DNAH11: variants seen among roughly 807,000 people sequenced by gnomAD.
DNAH11 encodes dynein axonemal heavy chain 11.
Under a neutral mutation model 526.0 loss-of-function variants are expected in DNAH11, and 442 were observed. That is an observed-to-expected ratio of 0.84 (90% CI 0.78 to 0.91). The LOEUF is 0.91. Ranked by LOEUF, DNAH11 falls within the 40% of genes least tolerant of loss-of-function variation. DNAH11 has a pLI of 0.00. For missense variants in DNAH11, 6,989 were observed against 5,448.7 expected, an observed-to-expected ratio of 1.28 and a Z score of -8.90; for synonymous variants, 2,461 against 1,935.9, an observed-to-expected ratio of 1.27 and a Z score of -7.12.
Position 21,702,702 on chromosome 7 carries a change from G to T in DNAH11, c.6181-8G>T. On this transcript the variant is annotated splice_polypyrimidine_tract_variant and splice_region_variant and intron_variant, in intron 36 of 81. Coordinates refer to ENST00000409508, the MANE Select transcript of DNAH11 (RefSeq NM_001277115.2). ...ATTTTTGAGAAAATAAACCTGTTTT[G>T]ATTTTAGGATCATTACGACTGGGGA... is the stretch of plus-strand genomic sequence containing the variant. 1 of 1,612,150 alleles carries T rather than the reference G, an allele frequency of 6.2e-7. No individual in the cohort carries two copies. Among genetic ancestry groups the T allele is most frequent in the South Asian group, 1.1e-5 (1 of 90,808 alleles).
chr7:21,822,779 CTT>C (rs151244324), intron 65 of DNAH11, among the ~76,000 whole-genome samples: 1,875 of 152,026 alleles, frequency 0.012, 41 homozygotes, highest in African/African-American at 0.043. Context: ...TATTTCTTGT[CTT>C]TTTGATAATA....
chr7:21,734,949 A>G (rs1053371057), intron 45 of DNAH11, among the ~76,000 whole-genome samples: 2 of 152,118 alleles, frequency 1.3e-5, no homozygotes, highest in African/African-American at 4.8e-5. Context: ...AGGCGGGTGG[A>G]TCACAAGGTC....
intron 81 of DNAH11, 25 bp from the exon 82 acceptor site, chr7:21,900,982 T>A: frequency 6.5e-7 from 1 of 1,548,094 alleles, no homozygotes; most frequent in Non-Finnish European, 8.7e-7. Flanking sequence ...GCCACACAAT[T>A]GCAACCGCTG....
At chr7:21,557,087 C>T (rs963159385) in intron 2 of DNAH11, among the ~76,000 whole-genome samples, 6 of 151,586 alleles carry the variant, frequency 4.0e-5, no homozygotes, top group African/African-American at 1.5e-4. Flanking sequence ...TGAGAACATA[C>T]AGTATTTGGT....
At chr7:21,692,658 T>G (rs1783682683) in intron 35 of DNAH11, among the ~76,000 whole-genome samples, 1 of 152,204 alleles carries the variant, frequency 6.6e-6, no homozygotes, top group Admixed American at 6.5e-5. Context: ...TACATGAACA[T>G]ATATTTTTAT....
At chr7:21,625,533 C>G (rs74720466) in intron 25 of DNAH11, among the ~76,000 whole-genome samples, 1 of 151,872 alleles carries the variant, frequency 6.6e-6, no homozygotes, top group African/African-American at 2.4e-5. Flanking sequence ...TCATTTTTTC[C>G]TACTATTGAT....
At chr7:21,846,815 G>A (rs1312460746) in intron 66 of DNAH11, among the ~76,000 whole-genome samples, 2 of 152,034 alleles carry the variant, frequency 1.3e-5, no homozygotes, top group East Asian at 1.9e-4. Context: ...TTTTCTTCCA[G>A]TGAAATCATC....
intron 41 of DNAH11, among the ~76,000 whole-genome samples, 194 bp downstream of exon 41, chr7:21,710,897 C>A (rs971736016): frequency 6.6e-6 from 1 of 152,092 alleles, no homozygotes; most frequent in South Asian, 2.1e-4. Flanking sequence ...AATATGTTCT[C>A]TTTGTTTCTT....
At chr7:21,549,872 C>T (rs1194336042) in intron 2 of DNAH11, among the ~76,000 whole-genome samples, 1 of 152,136 alleles carries the variant, frequency 6.6e-6, no homozygotes, top group African/African-American at 2.4e-5. Flanking sequence ...TTCTGATTTT[C>T]CACATTCCCA....
At chr7:21,685,661 T>C (rs1238758930) in intron 32 of DNAH11, among the ~76,000 whole-genome samples, 3 of 152,176 alleles carry the variant, frequency 2.0e-5, no homozygotes, top group Admixed American at 6.5e-5. Context: ...GTGTATTGAC[T>C]AGAAGGATGC....
intron 28 of DNAH11, among the ~76,000 whole-genome samples, chr7:21,648,769 CTT>C (rs1017906149): frequency 2.0e-5 from 3 of 152,176 alleles, no homozygotes; most frequent in South Asian, 2.1e-4. Context: ...ATCAAGGACT[CTT>C]TGTGCTACTG....
At position 21,550,555 on chromosome 7, in the gene DNAH11, C is replaced by G. The variant is rs145749197; in HGVS notation, c.495+5406C>G. On this transcript the variant is annotated intron_variant, in intron 2 of 81. Coordinates refer to ENST00000409508, the MANE Select transcript of DNAH11 (RefSeq NM_001277115.2). Reference sequence around the variant, plus strand: ...GAGTGCTACTGGGAGACATTTGGTTCAAGGCATTTTAAAGATTAGTTTGGT... The same window carrying G: ...GAGTGCTACTGGGAGACATTTGGTTGAAGGCATTTTAAAGATTAGTTTGGT... 1.5e-3 allele frequency among the ~76,000 whole-genome samples: 223 copies of G among 145,554 alleles called. 3 individuals carry two copies. Among genetic ancestry groups the G allele is most frequent in the African/African-American group, 5.5e-3 (214 of 38,766 alleles).
chr7:21,557,056 C>G (rs1184867021), intron 2 of DNAH11, among the ~76,000 whole-genome samples: 1 of 147,920 alleles, frequency 6.8e-6, no homozygotes, highest in Non-Finnish European at 1.5e-5. Flanking sequence ...AAGTGAGACT[C>G]TGTCTCAAAA....
intron 51 of DNAH11, 81 bp downstream of exon 51, chr7:21,745,144 A>G: frequency 7.2e-7 from 1 of 1,398,132 alleles, no homozygotes; most frequent in South Asian, 1.3e-5. Flanking sequence ...AATAGATCAT[A>G]CTAAGCACTC....
intron 68 of DNAH11, among the ~76,000 whole-genome samples, chr7:21,857,910 AT>A (rs1782914424): frequency 6.6e-6 from 1 of 152,216 alleles, no homozygotes; most frequent in Non-Finnish European, 1.5e-5. Flanking sequence ...ACAATAGAAA[AT>A]AAAAACTTAA....
intron 73 of DNAH11, 105 bp from the exon 74 acceptor site, chr7:21,873,169 T>TG (rs1255947500): frequency 1.7e-5 from 18 of 1,034,840 alleles, no homozygotes; most frequent in Non-Finnish European, 2.6e-5. Flanking sequence ...ATTTGAATCA[T>TG]GGTTCTCTGA....
At chr7:21,765,644 ACACACACACACACACT>A in intron 55 of DNAH11, 55 bp downstream of exon 55, 1 of 1,100,770 alleles carries the variant, frequency 9.1e-7, no homozygotes, top group Non-Finnish European at 1.2e-6. Flanking sequence ...ACACACACAC[ACACACACACACACACT>A]CTGAAAATCC....
At chr7:21,790,136 C>G (rs1287138656) in intron 61 of DNAH11, among the ~76,000 whole-genome samples, 1 of 151,870 alleles carries the variant, frequency 6.6e-6, no homozygotes, top group African/African-American at 2.4e-5. Context: ...TGGTACTTGG[C>G]ACATAGTAAG....
chr7:21,750,264 T>C lies in DNAH11; in HGVS notation c.8840T>C (p.Ile2947Thr), dbSNP rs371902496. The change falls in exon 54 of 82, where the codon ATA becomes ACA. Residue 2947 changes from isoleucine (I) to threonine (T), a missense_variant. Ile to Thr is a moderately conservative substitution (Grantham distance 89, BLOSUM62 -1). Coordinates refer to ENST00000409508, the MANE Select transcript of DNAH11 (RefSeq NM_001277115.2). ...DLFSDEDVDK[I>T]ISGIHNEVHA... ...TTCAGCGATGAAGATGTGGACAAGA[T>C]AATTTCTGGAATTCATAATGAAGTT... 1 of 1,605,984 alleles carries C rather than the reference T, an allele frequency of 6.2e-7. No individual in the cohort carries two copies. Among genetic ancestry groups the C allele is most frequent in the Admixed American group, 1.7e-5 (1 of 58,994 alleles).
Sources: allele counts gnomAD v4.1 joint callset (sites outside exome capture counted in the v4.1 genomes callset), GRCh38; gene constraint gnomAD v4.1.1; transcripts MANE v1.5; gene names NCBI Gene and HGNC (gene_info 2026-07-23, HGNC 2026-07-21).